The following MRTFB variants were observed in gnomAD, a reference collection of about 807,000 sequenced individuals.
The protein encoded by MRTFB is myocardin-related transcription factor B.
Under a neutral mutation model 104.2 loss-of-function variants are expected in MRTFB, and 29 were observed. The observed-to-expected ratio is 0.28, with a 90% CI of 0.21 to 0.38. The LOEUF is 0.38. Ranked by LOEUF, MRTFB falls within the 10% of genes least tolerant of loss-of-function variation. The pLI is 1.00. For missense variants in MRTFB, 1,270 were observed against 1,341.6 expected, an observed-to-expected ratio of 0.95 and a Z score of 0.83; for synonymous variants, 535 against 519.5, an observed-to-expected ratio of 1.03 and a Z score of -0.41.
At chr16:14,011,623 C>CGAG in the MRTFB span, among the ~76,000 whole-genome samples, 1 of 152,270 alleles carries the variant, frequency 6.6e-6, no homozygotes, top group Non-Finnish European at 1.5e-5. Flanking sequence ...TGGTGGCTCA[C>CGAG]GCCTGTAATC....
chr16:14,238,982 G>A (rs2042646261), intron 9 of MRTFB, among the ~76,000 whole-genome samples: 1 of 152,180 alleles, frequency 6.6e-6, no homozygotes, highest in Non-Finnish European at 1.5e-5. Context: ...TATTCCCACA[G>A]TGGCCAGTTT....
intron 3 of MRTFB, among the ~76,000 whole-genome samples, chr16:14,192,303 G>A (rs1337271134): frequency 1.3e-5 from 2 of 152,098 alleles, no homozygotes; most frequent in Non-Finnish European, 2.9e-5. Context: ...GAACCCAGGA[G>A]TTTGAGGCTG....
Position 14,261,567 on chromosome 16 carries a change from A to C in MRTFB, c.*123A>C, listed in dbSNP as rs2043781176. 4.5e-5 allele frequency: 47 copies of C among 1,042,382 alleles called. No homozygotes were observed. In the South Asian group the frequency reaches 7.8e-4, roughly 17 times the overall value. 64.6% of individuals were successfully genotyped at this position (1,042,382 alleles called of 1,614,324 possible). A position where few individuals can be genotyped will look rare whatever the true frequency, so the allele number is the denominator to read the frequency against. ...ATCAAAATATGTTGTCACAGAAAGA[A>C]TAGGTGGAAGGTCATAGCCTGGAAC... On this transcript the variant is annotated 3_prime_UTR_variant, in exon 17 of 17. Coordinates refer to ENST00000571589, the MANE Select transcript of MRTFB (RefSeq NM_001308142.2).
At chr16:14,242,435 AAT>A (rs2042814188) in intron 10 of MRTFB, among the ~76,000 whole-genome samples, 2 of 152,340 alleles carry the variant, frequency 1.3e-5, no homozygotes, top group African/African-American at 4.8e-5. Context: ...CCACAAAAAG[AAT>A]ATAAGTCCTG....
intron 2 of MRTFB, among the ~76,000 whole-genome samples, chr16:14,135,297 C>T (rs774597071): frequency 3.9e-5 from 6 of 152,214 alleles, no homozygotes; most frequent in Non-Finnish European, 8.8e-5. Flanking sequence ...CGTTTTGTCT[C>T]TTCAATAGTA....
At chr16:14,101,946 A>G (rs569489313) in intron 2 of MRTFB, among the ~76,000 whole-genome samples, 6 of 152,206 alleles carry the variant, frequency 3.9e-5, no homozygotes, top group Non-Finnish European at 7.3e-5. Context: ...TTCCTCTCCA[A>G]TTTAAATCAA....
At chr16:14,141,436 A>G (rs1171614379) in intron 3 of MRTFB, 3 of 152,400 alleles carry the variant, frequency 2.0e-5, no homozygotes, top group African/African-American at 7.2e-5. Flanking sequence ...TAACAAAGTA[A>G]TGTTAAAATT....
At chr16:14,171,781 T>G (rs1023064823) in intron 3 of MRTFB, among the ~76,000 whole-genome samples, 14 of 152,350 alleles carry the variant, frequency 9.2e-5, no homozygotes, top group African/African-American at 2.9e-4. Flanking sequence ...TGTGTTACAT[T>G]TAAACATGTG....
chr16:14,069,935 C>T (rs1294411498), upstream of MRTFB, among the ~76,000 whole-genome samples: 1 of 152,256 alleles, frequency 6.6e-6, no homozygotes, highest in Admixed American at 6.5e-5. Context: ...TCTTCACCCA[C>T]TTCCTCCATC....
the MRTFB span, among the ~76,000 whole-genome samples, chr16:14,041,386 T>C: frequency 1.3e-5 from 2 of 152,188 alleles, no homozygotes; most frequent in East Asian, 1.9e-4. Flanking sequence ...TTATTTCTGT[T>C]CTCTGAGTTT....
At chr16:14,084,356 C>T (rs942267982) in intron 2 of MRTFB, among the ~76,000 whole-genome samples, 4 of 152,010 alleles carry the variant, frequency 2.6e-5, no homozygotes, top group African/African-American at 9.7e-5. Context: ...TGCACAATAA[C>T]ATAGTGAAAT....
the MRTFB span, among the ~76,000 whole-genome samples, chr16:14,029,265 C>T: frequency 1.3e-5 from 2 of 151,576 alleles, no homozygotes; most frequent in Admixed American, 1.3e-4. Context: ...ATGATCACAC[C>T]ACTGCACTCT....
chr16:14,012,068 C>T, the MRTFB span, among the ~76,000 whole-genome samples: 2 of 152,098 alleles, frequency 1.3e-5, no homozygotes, highest in South Asian at 4.1e-4. Context: ...GGTTAGATGA[C>T]ATCATGGAGA....
rs774951265 is a variant in MRTFB, at chr16:14,261,062, G to C, written c.2918G>C (p.Ser973Thr). The change falls in exon 17 of 17, where the codon AGT becomes ACT. Residue 973 changes from serine (S) to threonine (T), a missense_variant. Ser to Thr is a moderately conservative substitution (Grantham distance 58). This residue lies in a region of MRTFB where 1,144 missense variants were observed against 1,131.5 expected (regional missense o/e 1.01). Transcript: ENST00000571589. ...CCTGTATCTTTAGAACCTATGGGCA[G>C]TTTATCTGCCAGCTTAGAGAACCAA... ...APPVSLEPMG[S>T]LSASLENQLE... 1.2e-6 allele frequency: 2 copies of C among 1,614,158 alleles called. No homozygotes were observed. The highest frequency in any genetic ancestry group is 2.2e-5 in the South Asian group (2 of 91,076).
intron 8 of MRTFB, among the ~76,000 whole-genome samples, chr16:14,231,298 AAAT>A (rs1446777377): frequency 1.3e-5 from 2 of 152,026 alleles, no homozygotes; most frequent in African/African-American, 4.8e-5. Flanking sequence ...ATAAAATAAA[AAAT>A]AAAAATAAAT....
At chr16:14,029,170 G>C in the MRTFB span, among the ~76,000 whole-genome samples, 1 of 151,464 alleles carries the variant, frequency 6.6e-6, no homozygotes, top group Non-Finnish European at 1.5e-5. Context: ...GTGTGGTGGC[G>C]CACACCTGTG....
chr16:14,244,269 A>C (rs13332052), intron 10 of MRTFB, among the ~76,000 whole-genome samples: 5,010 of 152,190 alleles, frequency 0.033, 273 homozygotes, highest in African/African-American at 0.11. Context: ...TGACTATAAC[A>C]TAATTTAGCC....
At chr16:14,133,166 C>T (rs562214205) in intron 2 of MRTFB, among the ~76,000 whole-genome samples, 5 of 152,182 alleles carry the variant, frequency 3.3e-5, no homozygotes, top group Non-Finnish European at 7.3e-5. Context: ...ACAGTGGTGG[C>T]TTATGCCAGA....
In MRTFB at chr16:14,263,106, C is replaced by A. The variant is rs889218615; in HGVS notation, c.*1662C>A. On this transcript the variant is annotated 3_prime_UTR_variant, in exon 17 of 17. Coordinates refer to ENST00000571589, the MANE Select transcript of MRTFB (RefSeq NM_001308142.2). ...TGAGCACACTGGAGCCCTCTGCTCA[C>A]TGGCACTTCCTGACTCAAAGGCACT... is the stretch of plus-strand genomic sequence containing the variant. 6.6e-6 allele frequency: 1 copy of A among 152,314 alleles called. No homozygotes were observed. Among genetic ancestry groups the A allele is most frequent in the South Asian group, 2.1e-4 (1 of 4,834 alleles). 9.4% of individuals were successfully genotyped at this position (152,314 alleles called of 1,614,324 possible). A position where few individuals can be genotyped will look rare whatever the true frequency, so the allele number is the denominator to read the frequency against.
Sources: gnomAD v4.1 joint callset for allele counts (sites outside exome capture counted in the v4.1 genomes callset) on GRCh38, gnomAD v4.1.1 for gene constraint, gnomAD v4.1.1 regional missense constraint, MANE v1.5 for transcripts, NCBI Gene and HGNC (gene_info 2026-07-23, HGNC 2026-07-21) for gene names.